The following RUNX1T1 variants were observed in gnomAD, a reference collection of about 807,000 sequenced individuals.
RUNX1T1 encodes the protein RUNX1 partner transcriptional co-repressor 1.
In RUNX1T1, 4 loss-of-function variants were observed where a neutral mutation model predicts 62.8. The ratio of observed to expected loss-of-function variants is 0.06; its 90% CI spans 0.03 to 0.15. The LOEUF is 0.15. RUNX1T1 is among the 10% of genes least tolerant of loss of function. The pLI, the probability that RUNX1T1 is intolerant of heterozygous loss-of-function variation, is 1.00. For synonymous variants in RUNX1T1, 291 were observed against 286.0 expected, an observed-to-expected ratio of 1.02 and a Z score of -0.18; for missense variants, 508 against 754.3, an observed-to-expected ratio of 0.67 and a Z score of 3.82.
chr8:92,005,221 G>T, exon 5 of RUNX1T1: 1 of 1,614,084 alleles, frequency 6.2e-7, no homozygotes, highest in Non-Finnish European at 8.5e-7. Context: ...TTCATGCTGG[G>T]CGAGGTACTG....
chr8:92,072,228 T>C (rs1312858918), intron 2 of RUNX1T1, among the ~76,000 whole-genome samples: 1 of 152,188 alleles, frequency 6.6e-6, no homozygotes, highest in Non-Finnish European at 1.5e-5. Flanking sequence ...AGTTTACAAA[T>C]TAAACATTTG....
intron 10 of RUNX1T1, among the ~76,000 whole-genome samples, chr8:91,963,650 C>CT (rs1811000795): frequency 6.6e-6 from 1 of 152,180 alleles, no homozygotes. Flanking sequence ...TTGGATCATT[C>CT]TAAGCTTTCT....
chr8:91,997,521 G>A (rs1363089498), intron 5 of RUNX1T1, among the ~76,000 whole-genome samples: 1 of 152,106 alleles, frequency 6.6e-6, no homozygotes, highest in East Asian at 1.9e-4. Context: ...ACTTATCTGA[G>A]TTTCGACAGA....
chr8:92,062,275 C>T (rs989185470), intron 1 of RUNX1T1, among the ~76,000 whole-genome samples: 11 of 152,188 alleles, frequency 7.2e-5, no homozygotes, highest in Non-Finnish European at 7.3e-5. Context: ...ATTACTCCGA[C>T]AAACATCCGT....
intron 2 of RUNX1T1, among the ~76,000 whole-genome samples, chr8:92,075,098 C>T (rs1256801503): frequency 6.6e-6 from 1 of 152,202 alleles, no homozygotes; most frequent in Admixed American, 6.5e-5. Context: ...CAGTGGTCAC[C>T]AAGGGTGAGT....
At chr8:92,073,825 T>G (rs1206435147) in intron 2 of RUNX1T1, among the ~76,000 whole-genome samples, 3 of 152,150 alleles carry the variant, frequency 2.0e-5, no homozygotes, top group Non-Finnish European at 1.5e-5. Context: ...GCCTCCCAAG[T>G]AGCTGGGACT....
chr8:92,100,864 T>C (rs984335960), upstream of RUNX1T1, among the ~76,000 whole-genome samples: 1 of 152,230 alleles, frequency 6.6e-6, no homozygotes, highest in Non-Finnish European at 1.5e-5. Flanking sequence ...AGGTTGGGGC[T>C]ATGTTAGTTT....
chr8:92,025,356 GAC>G (rs1231409991), intron 1 of RUNX1T1, among the ~76,000 whole-genome samples: 3 of 152,130 alleles, frequency 2.0e-5, no homozygotes, highest in Non-Finnish European at 4.4e-5. Flanking sequence ...AGCTGCTCCA[GAC>G]ACATCTTCAT....
At position 91,978,019 on chromosome 8, in the gene RUNX1T1, G is replaced by A. The variant is rs570489281; in HGVS notation, c.1199-2046C>T. On this transcript the variant is annotated intron_variant, in intron 8 of 10. Coordinates refer to ENST00000396218, the Ensembl canonical transcript of RUNX1T1. ...GCCAGGCTGGTCTCAAACTTCTGAC[G>A]TCAGGTCACCTGACCTCCCAAAGTG... is the stretch of plus-strand genomic sequence containing the variant. 6.6e-5 allele frequency among the ~76,000 whole-genome samples: 10 copies of A among 152,128 alleles called. No individual in the cohort carries two copies. In the South Asian group the frequency reaches 1.7e-3, roughly 25 times the overall value.
chr8:92,092,625 A>G (rs1255848775), intron 1 of RUNX1T1, among the ~76,000 whole-genome samples: 1 of 152,226 alleles, frequency 6.6e-6, no homozygotes, highest in Non-Finnish European at 1.5e-5. Flanking sequence ...TAGAGAATGT[A>G]AGGAATAACT....
At chr8:91,959,488 GTATATATA>G (rs60438153) in exon 11 of RUNX1T1, 56 of 86,588 alleles carry the variant, frequency 6.5e-4, no homozygotes, top group Middle Eastern at 5.2e-3. Context: ...GTGTGTGTGT[GTATATATA>G]TATATATATA....
At chr8:92,095,503 G>C (rs2130937152) in intron 1 of RUNX1T1, 1 of 1,516,714 alleles carries the variant, frequency 6.6e-7, no homozygotes, top group Non-Finnish European at 8.8e-7. Flanking sequence ...AGGAGGGAGA[G>C]GAGAGAAGCC....
intron 1 of RUNX1T1, among the ~76,000 whole-genome samples, chr8:92,092,826 G>A (rs1837242055): frequency 6.6e-6 from 1 of 152,070 alleles, no homozygotes; most frequent in Admixed American, 6.5e-5. Context: ...TGCACATTAG[G>A]CAAGAGATTG....
intron 5 of RUNX1T1, among the ~76,000 whole-genome samples, chr8:91,999,984 G>A (rs147920101): frequency 9.2e-5 from 14 of 152,192 alleles, no homozygotes; most frequent in Non-Finnish European, 1.3e-4. Flanking sequence ...AAAATGCCCC[G>A]TACAACTGTG....
At chr8:91,991,396 C>A (rs1284771882) in intron 6 of RUNX1T1, among the ~76,000 whole-genome samples, 4 of 151,848 alleles carry the variant, frequency 2.6e-5, no homozygotes, top group Non-Finnish European at 5.9e-5. Context: ...ATCTAGATGC[C>A]CTCCTCCAAA....
chr8:91,982,236 C>CAAAAAAA (rs34745107), intron 8 of RUNX1T1, among the ~76,000 whole-genome samples: 1 of 79,218 alleles, frequency 1.3e-5, no homozygotes, highest in African/African-American at 4.2e-5. Context: ...GACCCTGTCT[C>CAAAAAAA]AAAAAAAAAA....
At chr8:92,023,064 G>A (rs1361042263) in intron 1 of RUNX1T1, among the ~76,000 whole-genome samples, 1 of 152,156 alleles carries the variant, frequency 6.6e-6, no homozygotes, top group Admixed American at 6.5e-5. Flanking sequence ...GGCTTCAGAG[G>A]TGGGTGATGT....
chr8:91,970,996 C>T (rs1220631951), intron 9 of RUNX1T1, 148 bp from the exon 11 acceptor site: 1 of 537,000 alleles, frequency 1.9e-6, no homozygotes, highest in Admixed American at 3.9e-5. Flanking sequence ...GCATCAATTT[C>T]CCCTAGCAGC....
chr8:92,049,392 T>C (rs868700008), intron 1 of RUNX1T1, among the ~76,000 whole-genome samples: 2 of 152,156 alleles, frequency 1.3e-5, no homozygotes, highest in Admixed American at 1.3e-4. Context: ...CTGTGGCCTT[T>C]TTCTGTGGCT....
Sources: allele counts gnomAD v4.1 joint callset (sites outside exome capture counted in the v4.1 genomes callset), GRCh38; gene constraint gnomAD v4.1.1; transcripts MANE v1.5; gene names NCBI Gene and HGNC (gene_info 2026-07-23, HGNC 2026-07-21).